The following KCNC1 variants were observed in gnomAD, a reference collection of about 807,000 sequenced individuals.
KCNC1 encodes the protein potassium voltage-gated channel subfamily C member 1.
In KCNC1, 8 loss-of-function variants were observed where a neutral mutation model predicts 43.4. The observed-to-expected ratio is 0.18, with a 90% CI of 0.11 to 0.33. The LOEUF (loss-of-function observed/expected upper bound fraction) is 0.33, where lower values mean the gene tolerates loss of function less well. Among genes scored for constraint, KCNC1 ranks in the 10% least tolerant of loss-of-function variants. The pLI is 1.00. For missense variants in KCNC1, 420 were observed against 836.0 expected, an observed-to-expected ratio of 0.50 and a Z score of 6.14; for synonymous variants, 361 against 360.5, an observed-to-expected ratio of 1.00 and a Z score of -0.01.
intron 1 of KCNC1, among the ~76,000 whole-genome samples, chr11:17,751,570 T>G (rs1848969247): frequency 6.6e-6 from 1 of 151,996 alleles, no homozygotes; most frequent in Non-Finnish European, 1.5e-5. Context: ...GTGCAGAAAG[T>G]GGGACTGCCA....
At chr11:17,775,025 G>A (rs1849269655) in intron 2 of KCNC1, 1 of 985,344 alleles carries the variant, frequency 1.0e-6, no homozygotes, top group South Asian at 4.7e-5. Flanking sequence ...CTTTTTTCCT[G>A]CTTGCAGCCA....
At chr11:17,738,147 G>A (rs1848791800) in intron 1 of KCNC1, among the ~76,000 whole-genome samples, 1 of 152,128 alleles carries the variant, frequency 6.6e-6, no homozygotes, top group Admixed American at 6.5e-5. Flanking sequence ...GGAGCTAGAG[G>A]CCAAGAAAGA....
intron 2 of KCNC1, among the ~76,000 whole-genome samples, chr11:17,778,534 A>G (rs1849310346): frequency 6.6e-6 from 1 of 152,236 alleles, no homozygotes; most frequent in Non-Finnish European, 1.5e-5. Flanking sequence ...GTGCAAGCTG[A>G]CCAGGCCTGC....
intron 2 of KCNC1, among the ~76,000 whole-genome samples, chr11:17,778,630 G>A (rs753933064): frequency 2.0e-5 from 3 of 152,206 alleles, no homozygotes; most frequent in Non-Finnish European, 4.4e-5. Context: ...CCGTCCATGT[G>A]GGGGACGGAG....
At chr11:17,737,573 CT>C in intron 1 of KCNC1, among the ~76,000 whole-genome samples, 1 of 152,224 alleles carries the variant, frequency 6.6e-6, no homozygotes. Context: ...AAGGGCCTTG[CT>C]GCTGGAACAT....
At chr11:17,750,243 G>C (rs963581432) in intron 1 of KCNC1, among the ~76,000 whole-genome samples, 3 of 152,196 alleles carry the variant, frequency 2.0e-5, no homozygotes, top group Non-Finnish European at 4.4e-5. Context: ...CTGGTGACCT[G>C]GGGTGCCATT....
At chr11:17,737,151 G>A (rs1203181781) in intron 1 of KCNC1, among the ~76,000 whole-genome samples, 1 of 152,110 alleles carries the variant, frequency 6.6e-6, no homozygotes, top group Admixed American at 6.5e-5. Flanking sequence ...TTTTGAGGAA[G>A]TGGTCAAGAG....
chr11:17,747,441 AG>A (rs1216979491), intron 1 of KCNC1, among the ~76,000 whole-genome samples: 1 of 152,202 alleles, frequency 6.6e-6, no homozygotes, highest in Admixed American at 6.5e-5. Flanking sequence ...GATGCCGACA[AG>A]TGTGCCAGTG....
chr11:17,752,063 T>C (rs1848975713), intron 1 of KCNC1, among the ~76,000 whole-genome samples: 1 of 152,198 alleles, frequency 6.6e-6, no homozygotes, highest in African/African-American at 2.4e-5. Flanking sequence ...CGCTTTTTGC[T>C]ATCAACCCCC....
chr11:17,749,133 A>G (rs1848936434), intron 1 of KCNC1, among the ~76,000 whole-genome samples: 1 of 152,160 alleles, frequency 6.6e-6, no homozygotes, highest in African/African-American at 2.4e-5. Flanking sequence ...TGGGTCTGCT[A>G]GTTCTTAGCT....
intron 1 of KCNC1, among the ~76,000 whole-genome samples, chr11:17,738,545 G>A (rs1014888398): frequency 6.6e-6 from 1 of 152,094 alleles, no homozygotes; most frequent in African/African-American, 2.4e-5. Context: ...ACTCAGTGTT[G>A]GGGCTCTGAT....
intron 1 of KCNC1, among the ~76,000 whole-genome samples, chr11:17,763,064 C>T (rs1362651957): frequency 6.6e-6 from 1 of 152,220 alleles, no homozygotes; most frequent in Non-Finnish European, 1.5e-5. Flanking sequence ...GATGGGCCAG[C>T]CCAGCTGTTG....
chr11:17,768,506 C>T (rs1849180496), intron 1 of KCNC1, among the ~76,000 whole-genome samples: 1 of 152,060 alleles, frequency 6.6e-6, no homozygotes, highest in Admixed American at 6.6e-5. Context: ...CAGTTGAAAG[C>T]ACCCTCTGGT....
In KCNC1 at chr11:17,773,185, C is replaced by T. The variant is rs921410480; in HGVS notation, c.1504+587C>T. 9.1e-6 allele frequency: 9 copies of T among 986,362 alleles called. No homozygotes were observed. Among genetic ancestry groups the T allele is most frequent in the Admixed American group, 6.1e-5 (1 of 16,392 alleles). 61.1% of individuals were successfully genotyped at this position (986,362 alleles called of 1,614,324 possible). On this transcript the variant is annotated intron_variant, in intron 2 of 3. Transcript: ENST00000265969. The surrounding 1 kb of genome is among the most constrained non-coding windows in gnomAD (Gnocchi z 4.1). The stretch of plus-strand genomic sequence containing the variant: ...TGCCCTGATTTCGGGCTGCCCAGCT[C>T]GAGGTCCTTCCCAGGAGACGCCTGT...
chr11:17,775,985 G>C (rs138355357), intron 2 of KCNC1: 223 of 985,330 alleles, frequency 2.3e-4, no homozygotes, highest in East Asian at 1.3e-3. Flanking sequence ...ATCCATGGAG[G>C]GGGGAGGGAG....
At chr11:17,768,889 A>G (rs961053018) in intron 1 of KCNC1, among the ~76,000 whole-genome samples, 5 of 152,204 alleles carry the variant, frequency 3.3e-5, no homozygotes, top group Non-Finnish European at 7.4e-5. Flanking sequence ...GAAGCCAGAT[A>G]CCCAGCAGAC....
Position 17,773,728 on chromosome 11 carries a change from C to A in KCNC1, c.1504+1130C>A. On this transcript the variant is annotated intron_variant, in intron 2 of 3. Transcript: ENST00000265969. This position sits in a 1 kb window ranked among gnomAD's most constrained non-coding sequence, Gnocchi z 4.1. ...CGAAGATATAAAGCCCATAGTCTAC[C>A]TCTACCCATGGAATACCATCGACTT... 1.0e-6 allele frequency: 1 copy of A among 985,436 alleles called. No homozygotes were observed. The highest frequency in any genetic ancestry group is 1.2e-6 in the Non-Finnish European group (1 of 829,950). 61.0% of individuals were successfully genotyped at this position (985,436 alleles called of 1,614,324 possible).
intron 1 of KCNC1, among the ~76,000 whole-genome samples, chr11:17,757,018 CA>C (rs1365703901): frequency 1.0e-4 from 12 of 116,580 alleles, no homozygotes; most frequent in African/African-American, 3.1e-4. Context: ...TTTTAATCTG[CA>C]AAATGGAGGT....
Position 17,777,838 on chromosome 11 carries a change from C to T in KCNC1, c.1505-1618C>T. ...GGTCCATTTCTCTTTTGACTGACTG[C>T]CTCTTTGTAGTGACATGATGTGTAC... On this transcript the variant is annotated intron_variant, in intron 2 of 3. Transcript: ENST00000265969. This position sits in a 1 kb window ranked among gnomAD's most constrained non-coding sequence, Gnocchi z 4.3. 2.0e-6 allele frequency: 2 copies of T among 986,388 alleles called. No individual in the cohort carries two copies. Among genetic ancestry groups the T allele is most frequent in the Non-Finnish European group, 2.4e-6 (2 of 830,070 alleles). 61.1% of individuals were successfully genotyped at this position (986,388 alleles called of 1,614,324 possible).
Sources: allele counts gnomAD v4.1 joint callset (sites outside exome capture counted in the v4.1 genomes callset), GRCh38; gene constraint gnomAD v4.1.1; non-coding constraint Gnocchi (gnomAD v3.1); transcripts MANE v1.5; gene names NCBI Gene and HGNC (gene_info 2026-07-23, HGNC 2026-07-21).